GLMP: variants seen among roughly 807,000 people sequenced by gnomAD.
The protein encoded by GLMP is kidney lysosomal membrane protein.
A neutral mutation model predicts 39.2 loss-of-function variants in GLMP; 36 were observed. The observed-to-expected ratio is 0.92, with a 90% CI of 0.70 to 1.21. GLMP has a LOEUF of 1.21. Among genes scored for constraint, GLMP ranks in the 50% most tolerant of loss-of-function variants. The pLI is 0.00. For synonymous variants in GLMP, 220 were observed against 218.9 expected, an observed-to-expected ratio of 1.01 and a Z score of -0.04; for missense variants, 454 against 505.6, an observed-to-expected ratio of 0.90 and a Z score of 0.98.
rs750443321 is a variant in GLMP, at chr1:156,293,467, G to A, written c.908C>T (p.Ser303Phe). 1.2e-6 allele frequency: 2 copies of A among 1,614,204 alleles called. No individual in the cohort carries two copies. Among genetic ancestry groups the A allele is most frequent in the South Asian group, 2.2e-5 (2 of 91,086 alleles). The change falls in exon 5 of 6, where the codon TCC becomes TTC. Residue 303 changes from serine (S) to phenylalanine (F), a missense_variant. Coordinates refer to ENST00000362007, the MANE Select transcript of GLMP (RefSeq NM_144580.3). Reference protein sequence around the residue: ...GRESALPCQASPLHPALAYSL... With the variant: ...GRESALPCQAFPLHPALAYSL... ...GTATGCTAAGGCAGGATGAAGAGGG[G>A]AAGCTTGGCAGGGCAGGGCTGATTC...
Position 156,294,096 on chromosome 1 carries a change from T to C in GLMP, c.720A>G (p.Thr240=), listed in dbSNP as rs1663490245. The C allele has an allele frequency of 2.5e-6, 4 of 1,614,136 alleles. No homozygotes were observed. Among genetic ancestry groups the C allele is most frequent in the Non-Finnish European group, 2.5e-6 (3 of 1,180,028 alleles). Residue 240 remains threonine, a synonymous_variant, in exon 4 of 6, where the codon ACA becomes ACG. Transcript: ENST00000362007. ...NRSLFGLEVA[T]LGQGPDCPSM... is the part of the protein sequence containing the mutation. ...AGGGGCAGTCAGGGCCCTGGCCCAA[T>C]GTGGCTACCTCCAGCCCAAACAGGG...
intron 1 of GLMP, 86 bp downstream of exon 1, chr1:156,295,440 C>A: frequency 7.0e-7 from 1 of 1,425,316 alleles, no homozygotes; most frequent in Non-Finnish European, 9.2e-7. Flanking sequence ...CACCCTCCAC[C>A]CCTAGCCCCT....
chr1:156,294,346 C>A lies in GLMP; in HGVS notation c.579+19G>T. ...ACAAATCAGCCTTTTTGAGCTCTTT[C>A]CGATTTCTCACGCCTTACCCTGAAG... On this transcript the variant is annotated intron_variant, in intron 3 of 5. Coordinates refer to ENST00000362007, the MANE Select transcript of GLMP (RefSeq NM_144580.3). 2 of 1,613,624 alleles carry A rather than the reference C, an allele frequency of 1.2e-6. No individual in the cohort carries two copies. The highest frequency in any genetic ancestry group is 1.7e-6 in the Non-Finnish European group (2 of 1,179,592).
At position 156,294,494 on chromosome 1, in the gene GLMP, G is replaced by A; in HGVS notation, c.450C>T (p.Tyr150=). Reference sequence around the variant, plus strand: ...TGTTCCAAGAGAAATCGGCCAAGGAGTATGGAGGATATGGTCTTCCCAAAG... The same window carrying A: ...TGTTCCAAGAGAAATCGGCCAAGGAATATGGAGGATATGGTCTTCCCAAAG... ...AKPLGRPYPP[Y]SLADFSWNNI... is the part of the protein sequence containing the mutation. Residue 150 remains tyrosine, a synonymous_variant, in exon 3 of 6, where the codon TAC becomes TAT. Transcript: ENST00000362007. 6.2e-7 allele frequency: 1 copy of A among 1,614,148 alleles called. No homozygotes were observed. The highest frequency in any genetic ancestry group is 1.7e-5 in the Admixed American group (1 of 60,010).
chr1:156,292,898 A>AGGAAG lies in GLMP; in HGVS notation c.*141_*145dup, dbSNP rs1663399915. On this transcript the variant is annotated 3_prime_UTR_variant, in exon 6 of 6. Coordinates refer to ENST00000362007, the MANE Select transcript of GLMP (RefSeq NM_144580.3). ...AAGGAAGCCCCACCTGGGGGTCTCCAGGAAGTCGAGGCTGGCCTCTGAGGT... is the reference window on the plus strand; with the variant it reads ...AAGGAAGCCCCACCTGGGGGTCTCCAGGAAGGGAAGTCGAGGCTGGCCTCTGAGGT... The AGGAAG allele has an allele frequency of 9.1e-7, 1 of 1,094,342 alleles. No homozygotes were observed. The highest frequency in any genetic ancestry group is 1.3e-6 in the Non-Finnish European group (1 of 766,960). The allele number at this position is 1,094,342 out of a possible 1,614,324, so 67.8% of individuals were successfully genotyped here.
intron 1 of GLMP, 24 bp from the exon 2 acceptor site, chr1:156,295,040 T>C (rs1572616484): frequency 1.3e-6 from 2 of 1,499,938 alleles, no homozygotes; most frequent in South Asian, 2.6e-5. Context: ...TAGTGGAGGG[T>C]TGAGGGAACA....
chr1:156,294,753 C>T lies in GLMP; in HGVS notation c.378+6G>A. The T allele has an allele frequency of 6.5e-7, 1 of 1,549,188 alleles. No homozygotes were observed. Among genetic ancestry groups the T allele is most frequent in the Non-Finnish European group, 8.7e-7 (1 of 1,146,322 alleles). ...CTTCTCCTTGGTTCTCTCCCAACCT[C>T]CTCACCCTGGTAAAAACAAGGGCAG... is the stretch of plus-strand genomic sequence containing the variant. On this transcript the variant is annotated splice_donor_region_variant and intron_variant, in intron 2 of 5. Transcript: ENST00000362007.
intron 4 of GLMP, 42 bp from the exon 5 acceptor site, chr1:156,293,618 C>T (rs745553204): frequency 1.9e-6 from 3 of 1,611,526 alleles, no homozygotes. Context: ...GAGGACCAAC[C>T]TGTGCCCGAC....
Position 156,294,958 on chromosome 1 carries a change from C to T in GLMP, c.179G>A (p.Arg60Gln), listed in dbSNP as rs143919021. The stretch of plus-strand genomic sequence containing the variant: ...CAGTGTGGAATTGGTGCCCACTGCC[C>T]GTATATGAAGCAGGTTCTGCAGGGG... ...LGPLQNLLHI[R>Q]AVGTNSTLHY... The change falls in exon 2 of 6, where the codon CGG becomes CAG. Residue 60 changes from arginine (R) to glutamine (Q), a missense_variant. Arg to Gln is a conservative substitution (Grantham distance 43). Coordinates refer to ENST00000362007, the MANE Select transcript of GLMP (RefSeq NM_144580.3). 1.5e-5 allele frequency: 24 copies of T among 1,598,616 alleles called. No individual in the cohort carries two copies. The highest frequency in any genetic ancestry group is 6.8e-5 in the East Asian group (3 of 44,398).
At chr1:156,294,735 T>C in intron 2 of GLMP, 24 bp downstream of exon 2, 1 of 1,547,170 alleles carries the variant, frequency 6.5e-7, no homozygotes, top group African/African-American at 1.4e-5. Flanking sequence ...ACTCTTCTCC[T>C]TGGTTCTCTC....
At chr1:156,293,894 G>C in intron 4 of GLMP, 124 bp downstream of exon 4, 1 of 1,273,630 alleles carries the variant, frequency 7.9e-7, no homozygotes, top group South Asian at 1.3e-5. Context: ...CATTAGCACA[G>C]TGCCTAGCTC....
chr1:156,295,665 C>T lies in GLMP; in HGVS notation c.-20G>A, dbSNP rs1169584194. ...GCGCATACGGCCGCAATTCAGCCGA[C>T]GGAAGAGGTGCCAGAGGGTCACATG... On this transcript the variant is annotated 5_prime_UTR_variant, in exon 1 of 6. Coordinates refer to ENST00000362007, the MANE Select transcript of GLMP (RefSeq NM_144580.3). 4.5e-6 allele frequency: 7 copies of T among 1,543,430 alleles called. No individual in the cohort carries two copies. Among genetic ancestry groups the T allele is most frequent in the Middle Eastern group, 1.8e-4 (1 of 5,636 alleles).
At position 156,293,652 on chromosome 1, in the gene GLMP, C is replaced by A. The variant is rs1474025463; in HGVS notation, c.799-76G>T. Reference sequence around the variant, plus strand: ...ACCCTCTTTTCCTTGCCACTCCCAGCCTTATTCTGTGACTAGCAGCAGGAG... The same window carrying A: ...ACCCTCTTTTCCTTGCCACTCCCAGACTTATTCTGTGACTAGCAGCAGGAG... On this transcript the variant is annotated intron_variant, in intron 4 of 5. Coordinates refer to ENST00000362007, the MANE Select transcript of GLMP (RefSeq NM_144580.3). 5 of 1,589,848 alleles carry A rather than the reference C, an allele frequency of 3.1e-6. No individual in the cohort carries two copies. In the Admixed American group the frequency reaches 7.2e-5, roughly 23 times the overall value.
intron 4 of GLMP, 113 bp downstream of exon 4, chr1:156,293,905 T>C (rs1328888916): frequency 2.2e-6 from 3 of 1,366,168 alleles, no homozygotes; most frequent in African/African-American, 2.9e-5. Flanking sequence ...TGCCTAGCTC[T>C]TAAACGACCC....
chr1:156,294,917 T>G lies in GLMP; in HGVS notation c.220A>C (p.Ser74Arg). 6.2e-7 allele frequency: 1 copy of G among 1,612,916 alleles called. No individual in the cohort carries two copies. Among genetic ancestry groups the G allele is most frequent in the Non-Finnish European group, 8.5e-7 (1 of 1,179,536 alleles). Residue 74 changes from serine (S) to arginine (R), a missense_variant, in exon 2 of 6, where the codon AGC (serine) becomes CGC (arginine). Coordinates refer to ENST00000362007, the MANE Select transcript of GLMP (RefSeq NM_144580.3). The part of the protein sequence containing the change: ...TNSTLHYVWS[S>R]LGPLAVVMVA... ...ATTACCACTGCCAGAGGCCCCAGGC[T>G]GCTCCACACATAGTGCAGTGTGGAA...
At position 156,292,996 on chromosome 1, in the gene GLMP, G is replaced by A. The variant is rs771362805; in HGVS notation, c.*48C>T. ...ATGCTCCAACCTCCAGAGTTTCGAG[G>A]CACAGCAAGACAGGTTCAGTAATGT... On this transcript the variant is annotated 3_prime_UTR_variant, in exon 6 of 6. Transcript: ENST00000362007. The A allele has an allele frequency of 3.8e-6, 6 of 1,579,686 alleles. No homozygotes were observed. Among genetic ancestry groups the A allele is most frequent in the Non-Finnish European group, 4.3e-6 (5 of 1,158,984 alleles).
chr1:156,294,713 T>G, intron 2 of GLMP, 46 bp downstream of exon 2: 1 of 1,554,892 alleles, frequency 6.4e-7, no homozygotes, highest in East Asian at 2.3e-5. Context: ...TGGGATGAAC[T>G]CTCTCCTCTG....
rs1663580153 is a variant in GLMP, at chr1:156,295,640, G to A, written c.6C>T (p.Arg2=). 8.4e-6 allele frequency: 13 copies of A among 1,552,710 alleles called. No individual in the cohort carries two copies. The highest frequency in any genetic ancestry group is 2.4e-5 in the East Asian group (1 of 41,028). The change falls in exon 1 of 6, where the codon CGC becomes CGT. Residue 2 remains arginine (R), a synonymous_variant. Transcript: ENST00000362007. M[R]GSVECTWGWG... The stretch of plus-strand genomic sequence containing the variant: ...AACCCCAGGTGCACTCCACAGAGCC[G>A]CGCATACGGCCGCAATTCAGCCGAC...
intron 1 of GLMP, chr1:156,295,255 T>TCAGGGCA (rs1286909196): frequency 1.5e-5 from 20 of 1,307,454 alleles, no homozygotes; most frequent in Non-Finnish European, 1.9e-5. Flanking sequence ...GGTGGGCGGG[T>TCAGGGCA]CAGGGCACAG....
Sources: gnomAD v4.1 joint callset for allele counts on GRCh38, gnomAD v4.1.1 for gene constraint, MANE v1.5 for transcripts, NCBI Gene and HGNC (gene_info 2026-07-23, HGNC 2026-07-21) for gene names.